The following AP4M1 variants were observed in gnomAD, a reference collection of about 807,000 sequenced individuals.
AP4M1 encodes the protein AP-4 complex subunit mu-1.
In AP4M1, 58 loss-of-function variants were observed where a neutral mutation model predicts 62.4. That is an observed-to-expected ratio of 0.93 (90% confidence interval 0.75 to 1.16). The LOEUF is 1.16. Among genes scored for constraint, AP4M1 ranks in the 50% most tolerant of loss-of-function variants. The pLI is 0.00. For missense variants in AP4M1, 626 were observed against 585.4 expected (o/e 1.07, Z -0.72); for synonymous variants, 290 against 239.7 (o/e 1.21, Z -1.94).
chr7:100,104,545 A>G (rs1202175826), intron 7 of AP4M1, among the ~76,000 whole-genome samples: 1 of 142,282 alleles, frequency 7.0e-6, no homozygotes, highest in Non-Finnish European at 1.5e-5. Flanking sequence ...AAATAAGTAA[A>G]AAAGGCTGGG....
chr7:100,101,567 A>T (rs1012650279), upstream of AP4M1: 1 of 890,892 alleles, frequency 1.1e-6, no homozygotes, highest in South Asian at 1.4e-5. Flanking sequence ...GGGGTAGTGC[A>T]GGCGCCGGGT....
chr7:100,101,806 A>AG, intron 1 of AP4M1, 34 bp downstream of exon 1: 24 of 657,090 alleles, frequency 3.7e-5, no homozygotes, highest in Non-Finnish European at 6.0e-5. Flanking sequence ...GAAGGGGCGG[A>AG]GGGGCCGGGC....
chr7:100,104,466 G>A (rs1796303347), intron 7 of AP4M1, among the ~76,000 whole-genome samples: 1 of 152,054 alleles, frequency 6.6e-6, no homozygotes, highest in Non-Finnish European at 1.5e-5. Flanking sequence ...TAAGGCTGCA[G>A]TAAGCCAAGA....
chr7:100,104,291 G>C, intron 7 of AP4M1, 137 bp downstream of exon 7: 1 of 781,124 alleles, frequency 1.3e-6, no homozygotes. Context: ...GCCGAGGTGG[G>C]AGAATTACTT....
chr7:100,107,982 G>T lies in AP4M1; in HGVS notation c.*1100G>T, dbSNP rs148566323. The T allele has an allele frequency of 6.2e-7, 1 of 1,614,062 alleles. No homozygotes were observed. Among genetic ancestry groups the T allele is most frequent in the Admixed American group, 1.7e-5 (1 of 60,020 alleles). On this transcript the variant is annotated 3_prime_UTR_variant, in exon 15 of 15. Transcript: ENST00000359593. ...GACATTACAATAAACTTGGTTGGAG[G>T]AGGGGAAGGCTGTGGTGGGGCAGCC...
At chr7:100,102,636 C>CT (rs756237984) in intron 2 of AP4M1, 39 bp from the exon 3 acceptor site, 5 of 1,593,498 alleles carry the variant, frequency 3.1e-6, no homozygotes, top group Non-Finnish European at 3.4e-6. Flanking sequence ...CTCCACCTCC[C>CT]TTTTTTTAAC....
chr7:100,108,648 G>T lies in AP4M1; in HGVS notation c.*1766G>T. On this transcript the variant is annotated 3_prime_UTR_variant, in exon 15 of 15. Transcript: ENST00000359593. ...AGAACCTTGGGGATGGGGTAAAAAA[G>T]GACATTCCTTATCATCTCAGTGCCC... is the stretch of plus-strand genomic sequence containing the variant. 7.8e-7 allele frequency: 1 copy of T among 1,285,052 alleles called. No individual in the cohort carries two copies. Among genetic ancestry groups the T allele is most frequent in the Non-Finnish European group, 1.1e-6 (1 of 938,044 alleles). The allele number at this position is 1,285,052 out of a possible 1,614,324, so 79.6% of individuals were successfully genotyped here.
intron 12 of AP4M1, 71 bp from the exon 13 acceptor site, chr7:100,106,170 T>A: frequency 6.3e-7 from 1 of 1,583,126 alleles, no homozygotes; most frequent in East Asian, 2.2e-5. Context: ...AATCCTGTTA[T>A]GACATTGAAG....
Position 100,106,505 on chromosome 7 carries a change from C to G in AP4M1, c.1128C>G (p.Gly376=). The G allele has an allele frequency of 6.2e-7, 1 of 1,613,346 alleles. No homozygotes were observed. The highest frequency in any genetic ancestry group is 1.1e-5 in the South Asian group (1 of 91,076). The part of the protein sequence containing the change: ...PRVQGGSQLS[G]LFQMDVPGPP... The stretch of plus-strand genomic sequence containing the variant: ...TGCAAGGAGGCTCTCAACTCTCAGG[C>G]CTTTTCCAGGTATTCGCTGTGGACC... The change falls in exon 14 of 15, where the codon GGC becomes GGG. Residue 376 remains glycine (G), a synonymous_variant. Coordinates refer to ENST00000359593, the MANE Select transcript of AP4M1 (RefSeq NM_004722.4).
rs1437713134 is a variant in AP4M1 at position 100,108,256 on chromosome 7, G to C, written c.*1374G>C. On this transcript the variant is annotated 3_prime_UTR_variant, in exon 15 of 15. Coordinates refer to ENST00000359593, the MANE Select transcript of AP4M1 (RefSeq NM_004722.4). ...CTGGGGCATCCTCACTCAGGGCCTG[G>C]TTGCCCTGAGACTACTGACTGAGGG... 1.4e-6 allele frequency: 2 copies of C among 1,457,222 alleles called. No homozygotes were observed. The highest frequency in any genetic ancestry group is 2.5e-4 in the Middle Eastern group (1 of 4,006). The allele number at this position is 1,457,222 out of a possible 1,614,324, so 90.3% of individuals were successfully genotyped here.
intron 2 of AP4M1, chr7:100,102,429 A>AT (rs1286589195): frequency 2.3e-6 from 1 of 434,286 alleles, no homozygotes; most frequent in Non-Finnish European, 3.9e-6. Context: ...AAAAGAGTCA[A>AT]TGGGCGCCAG....
At chr7:100,104,756 G>A in intron 7 of AP4M1, 118 bp from the exon 8 acceptor site, 1 of 1,077,944 alleles carries the variant, frequency 9.3e-7, no homozygotes, top group Middle Eastern at 2.7e-4. Context: ...TCTTGAACCT[G>A]GGAGGTGGAG....
rs748709235 is a variant in AP4M1 at position 100,108,480 on chromosome 7, G to A, written c.*1598G>A. On this transcript the variant is annotated 3_prime_UTR_variant, in exon 15 of 15. Coordinates refer to ENST00000359593, the MANE Select transcript of AP4M1 (RefSeq NM_004722.4). ...GGCCCAAGGGACCCGAATTCTGCCC[G>A]ATAGGCGTCCTGATTGTCAGGCGGT... The A allele has an allele frequency of 9.9e-6, 16 of 1,613,806 alleles. No homozygotes were observed. Among genetic ancestry groups the A allele is most frequent in the African/African-American group, 4.0e-5 (3 of 74,928 alleles).
intron 2 of AP4M1, 167 bp from the exon 3 acceptor site, chr7:100,102,508 C>A (rs1265182375): frequency 1.5e-6 from 1 of 681,402 alleles, no homozygotes; most frequent in Non-Finnish European, 2.6e-6. Flanking sequence ...TGTAATTAAC[C>A]CCCTTTCCAC....
chr7:100,107,070 T>A lies in AP4M1; in HGVS notation c.*188T>A. On this transcript the variant is annotated 3_prime_UTR_variant, in exon 15 of 15. Transcript: ENST00000359593. ...CTGATGCAGGAAGGACTGCAGTGGA[T>A]CAGAACTTACAAACCAAACTTTTAT... 8.1e-7 allele frequency: 1 copy of A among 1,237,426 alleles called. No individual in the cohort carries two copies. Among genetic ancestry groups the A allele is most frequent in the Non-Finnish European group, 1.1e-6 (1 of 891,400 alleles). The allele number at this position is 1,237,426 out of a possible 1,614,324, so 76.7% of individuals were successfully genotyped here. A position where few individuals can be genotyped will look rare whatever the true frequency, so the allele number is the denominator to read the frequency against.
At position 100,104,925 on chromosome 7, in the gene AP4M1, CT is replaced by C; in HGVS notation, c.660del (p.Pro221LeufsTer10). ...VQGEIRLKSFLPSGSEMRIGL... is the reference protein window; with the variant it reads ...VQGEIRLKSFXPSGSEMRIGL... Reference sequence around the variant, plus strand: ...GGGAGAGATTCGGCTCAAGAGCTTCCTTCCTAGCGGCTCTGGTGAGGCATCT... The same window carrying C: ...GGGAGAGATTCGGCTCAAGAGCTTCCTCCTAGCGGCTCTGGTGAGGCATCT... On this transcript the variant is annotated frameshift_variant, in exon 8 of 15. Transcript: ENST00000359593. LOFTEE classifies it high-confidence loss of function. 2 of 1,614,186 alleles carry C rather than the reference CT, an allele frequency of 1.2e-6. No homozygotes were observed. The highest frequency in any genetic ancestry group is 1.7e-6 in the Non-Finnish European group (2 of 1,180,026).
intron 9 of AP4M1, 49 bp from the exon 10 acceptor site, chr7:100,105,191 T>C: frequency 6.2e-7 from 1 of 1,612,810 alleles, no homozygotes; most frequent in Non-Finnish European, 8.5e-7. Flanking sequence ...TCCTTGCTCC[T>C]CTCCCAAAAC....
intron 6 of AP4M1, 60 bp from the exon 7 acceptor site, chr7:100,104,032 G>A (rs763570982): frequency 1.4e-6 from 2 of 1,458,730 alleles, no homozygotes. Context: ...CTCCCTGTCT[G>A]TCCATTTCAG....
At chr7:100,102,593 G>GCTGTTGTGACTAGTAAGACCT in intron 2 of AP4M1, 82 bp from the exon 3 acceptor site, 1 of 1,230,772 alleles carries the variant, frequency 8.1e-7, no homozygotes, top group South Asian at 1.2e-5. Context: ...AGAGGCATCG[G>GCTGTTGTGACTAGTAAGACCT]GATCCGAGCT....
Sources: gnomAD v4.1 joint callset for allele counts (sites outside exome capture counted in the v4.1 genomes callset) on GRCh38, gnomAD v4.1.1 for gene constraint, MANE v1.5 for transcripts, NCBI Gene and HGNC (gene_info 2026-07-23, HGNC 2026-07-21) for gene names.